Variants in PLA2G4E observed in about 807,000 individuals in gnomAD.
The protein encoded by PLA2G4E is cytosolic phospholipase A2 epsilon.
Under a neutral mutation model 109.1 loss-of-function variants are expected in PLA2G4E, and 84 were observed. The observed-to-expected ratio is 0.77, with a 90% CI of 0.65 to 0.92. PLA2G4E has a LOEUF of 0.92. Among genes scored for constraint, PLA2G4E ranks in the 40% least tolerant of loss-of-function variants. The pLI, the probability that PLA2G4E is intolerant of heterozygous loss-of-function variation, is 0.00. For missense variants in PLA2G4E, 1,057 were observed against 1,076.6 expected (o/e 0.98, Z 0.25); for synonymous variants, 469 against 436.1 (o/e 1.08, Z -0.94).
intron 14 of PLA2G4E, 119 bp from the exon 15 acceptor site, chr15:41,989,671 C>A (rs534634305): frequency 2.1e-4 from 286 of 1,352,080 alleles, no homozygotes; most frequent in Non-Finnish European, 2.7e-4. Context: ...GACAGGGAGG[C>A]CGCAGTTCCC....
rs1323343987 is a variant in PLA2G4E at position 42,011,564 on chromosome 15, A to C, written c.256+2121T>G. Reference sequence around the variant, plus strand: ...TGGTGAAACCCTGTCTCCACAAATAATTTTTTTTTTTTAAAGTTAGCCAGG... The same window carrying C: ...TGGTGAAACCCTGTCTCCACAAATACTTTTTTTTTTTTAAAGTTAGCCAGG... On this transcript the variant is annotated intron_variant, in intron 2 of 19. Transcript: ENST00000399518. Among the ~76,000 whole-genome samples, 3 of 149,188 alleles carry C rather than the reference A, an allele frequency of 2.0e-5. No homozygotes were observed. The East Asian group carries it at 5.9e-4, about 29-fold the overall frequency.
At chr15:42,002,922 G>A (rs2068436961) in intron 5 of PLA2G4E, among the ~76,000 whole-genome samples, 1 of 152,328 alleles carries the variant, frequency 6.6e-6, no homozygotes, top group East Asian at 1.9e-4. Context: ...TAGGTTAGAA[G>A]AGTAGGAGAG....
rs114814648 is a variant in PLA2G4E at position 42,040,571 on chromosome 15, C to T, written c.183+9950G>A. Reference sequence around the variant, plus strand: ...TATTAGGTTTCTCTATGTCAAAACACGTACACAATAATACAAGACTAATTT... The same window carrying T: ...TATTAGGTTTCTCTATGTCAAAACATGTACACAATAATACAAGACTAATTT... On this transcript the variant is annotated intron_variant, in intron 1 of 19. Transcript: ENST00000399518. 8.3e-3 allele frequency among the ~76,000 whole-genome samples: 1,266 copies of T among 152,250 alleles called. 17 individuals are homozygous for T. The highest frequency in any genetic ancestry group is 0.029 in the African/African-American group (1,212 of 41,536).
intron 2 of PLA2G4E, among the ~76,000 whole-genome samples, chr15:42,008,174 G>C (rs934945362): frequency 1.1e-4 from 17 of 152,232 alleles, no homozygotes; most frequent in Admixed American, 1.1e-3. Flanking sequence ...TGGTCACACA[G>C]TTTTCCCTCT....
chr15:42,015,984 C>T (rs779688487), intron 1 of PLA2G4E, among the ~76,000 whole-genome samples: 3 of 152,128 alleles, frequency 2.0e-5, no homozygotes, highest in Non-Finnish European at 2.9e-5. Flanking sequence ...TTTTTGTTGT[C>T]GTCCATTCCC....
At chr15:42,013,543 C>T (rs993816803) in intron 2 of PLA2G4E, 142 bp downstream of exon 2, 2 of 724,802 alleles carry the variant, frequency 2.8e-6, no homozygotes, top group Non-Finnish European at 4.5e-6. Flanking sequence ...CATACATGCA[C>T]ACACATACAC....
intron 1 of PLA2G4E, among the ~76,000 whole-genome samples, chr15:42,046,701 C>A (rs1021086278): frequency 1.3e-5 from 2 of 152,196 alleles, no homozygotes; most frequent in African/African-American, 2.4e-5. Flanking sequence ...TCTCCCACTC[C>A]TAGAACAATA....
chr15:41,985,721 C>G, intron 18 of PLA2G4E, 118 bp downstream of exon 18: 21 of 1,300,236 alleles, frequency 1.6e-5, no homozygotes, highest in Non-Finnish European at 2.2e-5. Context: ...CTCTGATGCT[C>G]TCTGGGGGCT....
rs1332939816 is a variant in PLA2G4E, at chr15:41,987,163, T to G, written c.2035+9A>C. On this transcript the variant is annotated intron_variant, in intron 17 of 19. Coordinates refer to ENST00000399518, the Ensembl canonical transcript of PLA2G4E. ...AGGCAGGCCTCAAGGAGTAGCCAGG[T>G]AGGGTTACCTTTCCACCTAGAGAAC... 1 of 1,609,766 alleles carries G rather than the reference T, an allele frequency of 6.2e-7. No homozygotes were observed. Among genetic ancestry groups the G allele is most frequent in the South Asian group, 1.1e-5 (1 of 91,016 alleles).
chr15:42,031,437 G>A (rs12909234), intron 1 of PLA2G4E, among the ~76,000 whole-genome samples: 150 of 152,058 alleles, frequency 9.9e-4, no homozygotes, highest in African/African-American at 3.5e-3. Context: ...GTCTGGGCTC[G>A]TCTAAAAATC....
At chr15:42,028,476 G>A (rs1372206914) in intron 1 of PLA2G4E, among the ~76,000 whole-genome samples, 2 of 150,884 alleles carry the variant, frequency 1.3e-5, no homozygotes, top group Non-Finnish European at 3.0e-5. Context: ...GTGTAATCTC[G>A]GCTCACTGCA....
intron 2 of PLA2G4E, among the ~76,000 whole-genome samples, chr15:42,012,832 G>A (rs1456985905): frequency 1.3e-5 from 2 of 152,240 alleles, no homozygotes. Flanking sequence ...TGTGGCGCTT[G>A]AGTCATTCCT....
chr15:41,984,493 G>A lies in PLA2G4E; in HGVS notation c.2329C>T (p.Pro777Ser), dbSNP rs2068108721. The A allele has an allele frequency of 6.2e-7, 1 of 1,613,984 alleles. No individual in the cohort carries two copies. Among genetic ancestry groups the A allele is most frequent in the African/African-American group, 1.3e-5 (1 of 75,028 alleles). ...ATGAGTGGGAAGAAAGTCACGATGGGGGCATCGGGTTCCTGGGGGTTCTCC... is the reference window on the plus strand; with the variant it reads ...ATGAGTGGGAAGAAAGTCACGATGGAGGCATCGGGTTCCTGGGGGTTCTCC... Residue 777 changes from proline (P) to serine (S), a missense_variant, in exon 19 of 20, where the codon CCC (proline) becomes TCC (serine). By Grantham distance (74) the Pro-to-Ser change is moderately conservative. Coordinates refer to ENST00000399518, the Ensembl canonical transcript of PLA2G4E.
intron 1 of PLA2G4E, among the ~76,000 whole-genome samples, chr15:42,043,138 C>G (rs970749065): frequency 5.9e-5 from 9 of 152,192 alleles, no homozygotes. Flanking sequence ...ACCTAATGAT[C>G]TGTTCCAGTT....
At chr15:42,033,988 G>T (rs913665033) in intron 1 of PLA2G4E, among the ~76,000 whole-genome samples, 6 of 152,138 alleles carry the variant, frequency 3.9e-5, no homozygotes, top group Admixed American at 2.0e-4. Flanking sequence ...TCCTTTTTCC[G>T]GTGATGTAGA....
intron 1 of PLA2G4E, among the ~76,000 whole-genome samples, chr15:42,014,957 G>T (rs2068574551): frequency 6.6e-6 from 1 of 152,052 alleles, no homozygotes; most frequent in Non-Finnish European, 1.5e-5. Flanking sequence ...TAACAACTGG[G>T]GTGTGGGAAC....
chr15:41,995,590 A>T, intron 11 of PLA2G4E, 94 bp from the exon 12 acceptor site: 1 of 1,517,880 alleles, frequency 6.6e-7, no homozygotes, highest in Non-Finnish European at 9.0e-7. Context: ...AGAACAATGG[A>T]GGAGGCAGAG....
At chr15:41,989,491 G>A (rs1379136995) in exon 15 of PLA2G4E, 9 of 1,613,828 alleles carry the variant, frequency 5.6e-6, no homozygotes, top group African/African-American at 4.0e-5. Context: ...CGAAGAGCTC[G>A]GAGGGGATGA....
chr15:41,991,559 T>C (rs1447349616), intron 13 of PLA2G4E, among the ~76,000 whole-genome samples: 1 of 151,898 alleles, frequency 6.6e-6, no homozygotes, highest in East Asian at 1.9e-4. Context: ...GGGCCTGGGG[T>C]TGGAAGCCAT....
Sources: allele counts gnomAD v4.1 joint callset (sites outside exome capture counted in the v4.1 genomes callset), GRCh38; gene constraint gnomAD v4.1.1; transcripts MANE v1.5; gene names NCBI Gene and HGNC (gene_info 2026-07-23, HGNC 2026-07-21).